Variants in BCO1 observed in about 807,000 individuals in gnomAD.
BCO1 encodes beta,beta-carotene 15,15'-dioxygenase.
BCO1 carries 54 observed loss-of-function variants against 56.3 expected under a neutral mutation model. That is an observed-to-expected ratio of 0.96 (90% CI 0.77 to 1.20). The LOEUF is 1.20. Among genes scored for constraint, BCO1 ranks in the 50% most tolerant of loss-of-function variants. BCO1 has a pLI of 0.00. For missense variants in BCO1, 801 were observed against 690.9 expected (o/e 1.16, Z -1.79); for synonymous variants, 318 against 266.1 (o/e 1.20, Z -1.90).
intron 2 of BCO1, among the ~76,000 whole-genome samples, chr16:81,255,801 A>T (rs1285809905): frequency 6.6e-6 from 1 of 150,850 alleles, no homozygotes; most frequent in East Asian, 2.0e-4. Flanking sequence ...CACCATGCCC[A>T]GCCTTTCTTT....
intron 5 of BCO1, 24 bp downstream of exon 5, chr16:81,264,811 TA>T: frequency 6.2e-7 from 1 of 1,613,746 alleles, no homozygotes; most frequent in Non-Finnish European, 8.5e-7. Flanking sequence ...GGGAATTGAA[TA>T]AAACACAAAC....
intron 8 of BCO1, among the ~76,000 whole-genome samples, chr16:81,283,750 A>G (rs970548140): frequency 1.3e-5 from 2 of 152,074 alleles, no homozygotes; most frequent in Admixed American, 6.6e-5. Context: ...CCATGGATGT[A>G]TCTCTGCTTC....
chr16:81,266,151 A>C (rs959482943), intron 5 of BCO1, among the ~76,000 whole-genome samples: 1 of 152,164 alleles, frequency 6.6e-6, no homozygotes, highest in Non-Finnish European at 1.5e-5. Context: ...AGGGCTGTTT[A>C]GGGAGCTCAG....
intron 7 of BCO1, among the ~76,000 whole-genome samples, chr16:81,278,666 G>C (rs1055908317): frequency 6.6e-6 from 1 of 152,106 alleles, no homozygotes; most frequent in African/African-American, 2.4e-5. Context: ...TTAGGGAAGG[G>C]GTGTTTCTTC....
At position 81,241,231 on chromosome 16, in the gene BCO1, T is replaced by A. The variant is rs553745362; in HGVS notation, c.64+2259T>A. Among the ~76,000 whole-genome samples, 23 of 152,096 alleles carry A rather than the reference T, an allele frequency of 1.5e-4. No individual in the cohort carries two copies. The South Asian group carries it at 3.7e-3, about 25-fold the overall frequency. The stretch of plus-strand genomic sequence containing the variant: ...CAGGAGACTGGGCATGAGAATCACT[T>A]GAACCCAGGAGGCAGAGGTTGTAGT... On this transcript the variant is annotated intron_variant, in intron 1 of 10. Transcript: ENST00000258168.
chr16:81,254,130 T>C (rs1905977907), intron 2 of BCO1, among the ~76,000 whole-genome samples: 2 of 151,842 alleles, frequency 1.3e-5, no homozygotes, highest in South Asian at 4.2e-4. Flanking sequence ...TTTATTTTAT[T>C]GTATATTTTT....
intron 10 of BCO1, among the ~76,000 whole-genome samples, chr16:81,289,387 A>T (rs1050547213): frequency 6.6e-6 from 1 of 152,200 alleles, no homozygotes; most frequent in African/African-American, 2.4e-5. Flanking sequence ...TCATGCCTGT[A>T]ATCCCAGCAC....
intron 1 of BCO1, among the ~76,000 whole-genome samples, chr16:81,240,895 C>T (rs1349353555): frequency 4.9e-5 from 7 of 142,916 alleles, no homozygotes; most frequent in African/African-American, 1.3e-4. Context: ...AGTGTAATGG[C>T]GCGATCTCGG....
rs1047156631 is a variant in BCO1, at chr16:81,280,894, C to T, written c.1139C>T (p.Ser380Phe). 1 of 1,614,086 alleles carries T rather than the reference C, an allele frequency of 6.2e-7. No individual in the cohort carries two copies. Residue 380 changes from serine (S) to phenylalanine (F), a missense_variant, in exon 8 of 11, where the codon TCT becomes TTT. Transcript: ENST00000258168. ...EVGTNLIKVA[S>F]TTATALKEED... ...GGCACAAATTTAATCAAAGTGGCATCTACAACAGCCACGGCCCTGAAGGAA... is the reference window on the plus strand; with the variant it reads ...GGCACAAATTTAATCAAAGTGGCATTTACAACAGCCACGGCCCTGAAGGAA...
At chr16:81,250,675 G>T (rs1167368978) in intron 2 of BCO1, among the ~76,000 whole-genome samples, 1 of 145,838 alleles carries the variant, frequency 6.9e-6, no homozygotes, top group Admixed American at 7.2e-5. Context: ...CTGCCTCCCA[G>T]GTTCAAGCGA....
intron 1 of BCO1, among the ~76,000 whole-genome samples, chr16:81,240,375 A>G (rs1338730776): frequency 6.6e-6 from 1 of 152,092 alleles, no homozygotes; most frequent in African/African-American, 2.4e-5. Flanking sequence ...TTTTTTCTCA[A>G]TTTGACTGTT....
chr16:81,278,559 C>T (rs1030914835), intron 7 of BCO1, among the ~76,000 whole-genome samples: 4 of 152,160 alleles, frequency 2.6e-5, no homozygotes, highest in Non-Finnish European at 5.9e-5. Context: ...TGGCTTCATG[C>T]GGCAGACAAG....
Position 81,287,299 on chromosome 16 carries a change from T to A in BCO1, c.1307T>A (p.Ile436Lys), listed in dbSNP as rs776504532. Residue 436 changes from isoleucine (I) to lysine (K), a missense_variant, in exon 10 of 11, where the codon ATA becomes AAA. Physicochemically the swap from Ile to Lys is moderately radical, Grantham distance 102. Coordinates refer to ENST00000258168, the MANE Select transcript of BCO1 (RefSeq NM_017429.3). ...TTTTCCTCGTTGGATGTACAGATAATAAAATATGACATTCTCACAAAGTCA... is the reference window on the plus strand; with the variant it reads ...TTTTCCTCGTTGGATGTACAGATAAAAAAATATGACATTCTCACAAAGTCA... ...VQWSPIPTKI[I>K]KYDILTKSSL... The A allele has an allele frequency of 1.2e-6, 2 of 1,611,046 alleles. No homozygotes were observed. The highest frequency in any genetic ancestry group is 1.7e-6 in the Non-Finnish European group (2 of 1,177,194).
chr16:81,282,068 G>A (rs935936905), intron 8 of BCO1, among the ~76,000 whole-genome samples: 8 of 152,212 alleles, frequency 5.3e-5, no homozygotes, highest in Admixed American at 3.9e-4. Flanking sequence ...CTAGAGAGTG[G>A]GACAGAGTGC....
At chr16:81,246,758 C>T (rs181872293) in intron 2 of BCO1, among the ~76,000 whole-genome samples, 195 of 149,092 alleles carry the variant, frequency 1.3e-3, no homozygotes, top group African/African-American at 4.5e-3. Flanking sequence ...GGCTGAGGCA[C>T]GAGAATTGCT....
At chr16:81,285,081 C>G (rs188623396) in intron 8 of BCO1, among the ~76,000 whole-genome samples, 3 of 152,270 alleles carry the variant, frequency 2.0e-5, no homozygotes, top group African/African-American at 7.2e-5. Context: ...CTCAAGTGAT[C>G]TGCCCGCCTC....
intron 7 of BCO1, 76 bp downstream of exon 7, chr16:81,270,492 T>G (rs1355624384): frequency 1.3e-6 from 2 of 1,583,240 alleles, no homozygotes; most frequent in Non-Finnish European, 1.7e-6. Flanking sequence ...TGGCCCTTAT[T>G]TGATTGACAT....
At chr16:81,272,813 T>G (rs1387547510) in intron 7 of BCO1, among the ~76,000 whole-genome samples, 1 of 152,226 alleles carries the variant, frequency 6.6e-6, no homozygotes, top group African/African-American at 2.4e-5. Flanking sequence ...CCTCACTTAA[T>G]GATCAAAACA....
At chr16:81,255,493 A>T (rs1006968349) in intron 2 of BCO1, among the ~76,000 whole-genome samples, 5 of 150,998 alleles carry the variant, frequency 3.3e-5, no homozygotes, top group African/African-American at 4.9e-5. Context: ...ACATTATGTT[A>T]TTTTTTTTTA....
Sources: gnomAD v4.1 joint callset for allele counts (sites outside exome capture counted in the v4.1 genomes callset) on GRCh38, gnomAD v4.1.1 for gene constraint, MANE v1.5 for transcripts, NCBI Gene and HGNC (gene_info 2026-07-23, HGNC 2026-07-21) for gene names.